TMPO: variants seen among roughly 807,000 people sequenced by gnomAD.
The protein encoded by TMPO is thymopoietin, also known as LEM domain containing 4.
A neutral mutation model predicts 45.4 loss-of-function variants in TMPO; 22 were observed. The observed-to-expected ratio is 0.48, with a 90% CI of 0.35 to 0.69. The LOEUF (loss-of-function observed/expected upper bound fraction) is 0.69. Among genes scored for constraint, TMPO ranks in the 30% least tolerant of loss-of-function variants. The probability of loss-of-function intolerance (pLI) is 0.01; values close to 1 mark genes in which losing one functional copy is unlikely to be tolerated. For missense variants in TMPO, 512 were observed against 548.8 expected (o/e 0.93, Z 0.67); for synonymous variants, 241 against 204.1 (o/e 1.18, Z -1.54).
Position 98,527,949 on chromosome 12 carries a change from C to A in TMPO, c.343C>A (p.Leu115Ile). The change falls in exon 2 of 9, where the codon CTC (leucine) becomes ATC (isoleucine). Residue 115 changes from leucine (L) to isoleucine (I), a missense_variant. By Grantham distance (5) the Leu-to-Ile change is conservative. This residue lies in a region of TMPO where 299 missense variants were observed against 296.7 expected (regional missense o/e 1.01). Transcript: ENST00000556029. ...EDKDDLDVTE[L>I]TNEDLLDQLV... ...TAAAGATGATCTAGATGTAACAGAG[C>A]TCACTAATGAAGATCTTTTGGATCA... 1.2e-6 allele frequency: 2 copies of A among 1,613,786 alleles called. No homozygotes were observed. The highest frequency in any genetic ancestry group is 4.5e-5 in the East Asian group (2 of 44,808).
At position 98,533,867 on chromosome 12, in the gene TMPO, A is replaced by G. The variant is rs200717863; in HGVS notation, c.565+2029A>G. On this transcript the variant is annotated intron_variant, in intron 3 of 8. Coordinates refer to ENST00000556029, the MANE Select transcript of TMPO (RefSeq NM_001032283.3). ...CAGATATTATCAGTTCCAAAAGTAG[A>G]TGATGAAATCCTAGGGTTTATTTCT... The G allele has an allele frequency of 8.1e-6, 13 of 1,614,234 alleles. No individual in the cohort carries two copies. The highest frequency in any genetic ancestry group is 1.7e-5 in the Admixed American group (1 of 60,030).
rs775761149 is a variant in TMPO at position 98,516,159 on chromosome 12, G to T, written c.279+13G>T. ...AGCCGTCGGCAGGGTAAGGACGCGGGGCCGGGGCTACAAAGGCGGGCGTTT... is the reference window on the plus strand; with the variant it reads ...AGCCGTCGGCAGGGTAAGGACGCGGTGCCGGGGCTACAAAGGCGGGCGTTT... On this transcript the variant is annotated intron_variant, in intron 1 of 8. Transcript: ENST00000556029. 7.3e-7 allele frequency: 1 copy of T among 1,378,084 alleles called. No individual in the cohort carries two copies. The highest frequency in any genetic ancestry group is 1.7e-5 in the South Asian group (1 of 59,638). 85.4% of individuals were successfully genotyped at this position (1,378,084 alleles called of 1,614,324 possible). A position where few individuals can be genotyped will look rare whatever the true frequency, so the allele number is the denominator to read the frequency against.
chr12:98,547,602 C>T lies in TMPO; in HGVS notation c.1109C>T (p.Ala370Val). The change falls in exon 9 of 9, where the codon GCT (alanine) becomes GTT (valine). Residue 370 changes from alanine (A) to valine (V), a missense_variant. Coordinates refer to ENST00000556029, the MANE Select transcript of TMPO (RefSeq NM_001032283.3). ...SASCRRPIKGAAGRPLELSDF... is the reference protein window; with the variant it reads ...SASCRRPIKGVAGRPLELSDF... ...AGTTGCCGCAGACCAATCAAAGGGG[C>T]TGCAGGCCGGCCATTAGAACTCAGT... The T allele has an allele frequency of 6.2e-7, 1 of 1,614,178 alleles. No individual in the cohort carries two copies. Among genetic ancestry groups the T allele is most frequent in the Non-Finnish European group, 8.5e-7 (1 of 1,180,026 alleles).
chr12:98,539,674 A>G (rs4016124), intron 4 of TMPO, among the ~76,000 whole-genome samples: 1 of 152,076 alleles, frequency 6.6e-6, no homozygotes, highest in Non-Finnish European at 1.5e-5. Context: ...AGGTTTCACC[A>G]TGTTGGCCAA....
At chr12:98,541,196 G>A (rs533603638) in intron 4 of TMPO, among the ~76,000 whole-genome samples, 48 of 152,046 alleles carry the variant, frequency 3.2e-4, no homozygotes, top group Non-Finnish European at 5.0e-4. Flanking sequence ...CCTGCGTCAT[G>A]CCTGGAATCA....
At chr12:98,526,457 G>A (rs1052794165) in intron 1 of TMPO, among the ~76,000 whole-genome samples, 1 of 152,060 alleles carries the variant, frequency 6.6e-6, no homozygotes, top group Non-Finnish European at 1.5e-5. Context: ...TACTTATAAC[G>A]CCTAATACAA....
At chr12:98,538,346 T>C (rs1264436743) in intron 4 of TMPO, among the ~76,000 whole-genome samples, 1 of 152,170 alleles carries the variant, frequency 6.6e-6, no homozygotes, top group Non-Finnish European at 1.5e-5. Context: ...CCATCTCCTA[T>C]TTGTCACTTT....
intron 5 of TMPO, 36 bp from the exon 6 acceptor site, chr12:98,544,406 A>G: frequency 6.2e-7 from 1 of 1,612,344 alleles, no homozygotes; most frequent in Non-Finnish European, 8.5e-7. Context: ...GTATTATTTT[A>G]TATTTATTGT....
chr12:98,540,646 G>A (rs1877862398), intron 4 of TMPO, among the ~76,000 whole-genome samples: 1 of 152,190 alleles, frequency 6.6e-6, no homozygotes, highest in African/African-American at 2.4e-5. Context: ...CCAAAATGCT[G>A]GGATTACAGG....
At chr12:98,544,399 T>G in intron 5 of TMPO, 43 bp from the exon 6 acceptor site, 1 of 1,612,590 alleles carries the variant, frequency 6.2e-7, no homozygotes, top group Middle Eastern at 1.7e-4. Flanking sequence ...GGTTTTAGTA[T>G]TATTTTATAT....
intron 3 of TMPO, among the ~76,000 whole-genome samples, chr12:98,536,438 C>T (rs1467473216): frequency 2.0e-5 from 3 of 151,984 alleles, no homozygotes; most frequent in African/African-American, 7.2e-5. Context: ...GCTGCAACCT[C>T]CGCCTCCCAG....
In TMPO at chr12:98,515,835, G is replaced by T; in HGVS notation, c.-33G>T. The T allele has an allele frequency of 6.3e-7, 1 of 1,596,590 alleles. No homozygotes were observed. Among genetic ancestry groups the T allele is most frequent in the Non-Finnish European group, 8.5e-7 (1 of 1,172,562 alleles). On this transcript the variant is annotated 5_prime_UTR_variant, in exon 1 of 9. In the 5' UTR this introduces an upstream ATG that the reference lacks. Transcript: ENST00000556029. ...CGCCGGCGTGAGCGGCGGCGGCAAA[G>T]GCTGTGGGGAGGGGGCTTCGCAGAT... is the stretch of plus-strand genomic sequence containing the variant.
At chr12:98,546,566 G>A (rs1878240338) in intron 8 of TMPO, 119 bp downstream of exon 8, 1 of 776,038 alleles carries the variant, frequency 1.3e-6, no homozygotes. Flanking sequence ...TTGGAGCCAG[G>A]TACAATGGTA....
chr12:98,530,000 A>C (rs1022257056), intron 2 of TMPO, among the ~76,000 whole-genome samples: 1 of 152,230 alleles, frequency 6.6e-6, no homozygotes, highest in Non-Finnish European at 1.5e-5. Context: ...TTCATATACA[A>C]GTACCAACAG....
intron 3 of TMPO, chr12:98,533,963 T>A: frequency 6.2e-7 from 1 of 1,612,084 alleles, no homozygotes; most frequent in South Asian, 1.1e-5. Context: ...GACTTAGCAC[T>A]CTGTAGAGCA....
chr12:98,544,903 G>T, intron 6 of TMPO, 48 bp from the exon 7 acceptor site: 1 of 1,320,958 alleles, frequency 7.6e-7, no homozygotes, highest in Non-Finnish European at 1.1e-6. Context: ...TTAAGTGTCT[G>T]TGTTATGTTT....
chr12:98,518,145 C>CA (rs35978276), intron 1 of TMPO, among the ~76,000 whole-genome samples: 1,379 of 97,870 alleles, frequency 0.014, 22 homozygotes, highest in East Asian at 0.095. Context: ...GACTTCGTCT[C>CA]AAAAAAAAAA....
intron 3 of TMPO, chr12:98,534,499 A>G: frequency 6.9e-7 from 1 of 1,451,732 alleles, no homozygotes; most frequent in Non-Finnish European, 9.0e-7. Context: ...TTGCCTGTGT[A>G]GAACTACTTG....
At chr12:98,516,482 C>T in intron 1 of TMPO, 15 of 1,110,368 alleles carry the variant, frequency 1.4e-5, no homozygotes, top group African/African-American at 1.6e-5. Flanking sequence ...CGTGCCCTTT[C>T]GAAAGCTCTG....
Sources: gnomAD v4.1 joint callset for allele counts (sites outside exome capture counted in the v4.1 genomes callset) on GRCh38, gnomAD v4.1.1 for gene constraint, gnomAD v4.1.1 regional missense constraint, MANE v1.5 for transcripts, NCBI Gene and HGNC (gene_info 2026-07-23, HGNC 2026-07-21) for gene names.